The following ADHFE1 variants were observed in gnomAD, a reference collection of about 807,000 sequenced individuals.
ADHFE1 encodes the protein alcohol dehydrogenase iron containing 1.
In ADHFE1, 37 loss-of-function variants were observed where a neutral mutation model predicts 54.8. The observed-to-expected ratio is 0.68, with a 90% CI of 0.52 to 0.89. The LOEUF (loss-of-function observed/expected upper bound fraction) is 0.89, where lower values mean the gene tolerates loss of function less well. ADHFE1 is among the 40% of genes least tolerant of loss of function. The pLI is 0.00. For synonymous variants in ADHFE1, 203 were observed against 229.3 expected (o/e 0.89, Z 1.04); for missense variants, 601 against 591.2 (o/e 1.02, Z -0.17).
At chr8:66,465,180 G>A (rs1316841395) in intron 13 of ADHFE1, among the ~76,000 whole-genome samples, 1 of 152,094 alleles carries the variant, frequency 6.6e-6, no homozygotes. Context: ...GATGAATATT[G>A]GTGTACAAGT....
chr8:66,456,922 A>G (rs772946872), intron 11 of ADHFE1, 27 bp downstream of exon 11: 2 of 1,454,584 alleles, frequency 1.4e-6, no homozygotes, highest in Admixed American at 4.7e-5. Context: ...AAATTATTTA[A>G]TTAAATATTA....
At chr8:66,446,722 AAC>A (rs1806050342) in intron 6 of ADHFE1, among the ~76,000 whole-genome samples, 1 of 152,240 alleles carries the variant, frequency 6.6e-6, no homozygotes, top group Non-Finnish European at 1.5e-5. Context: ...ATGCATATTA[AAC>A]ACACATGCAT....
intron 8 of ADHFE1, 27 bp downstream of exon 8, chr8:66,448,997 CT>C: frequency 1.3e-6 from 2 of 1,583,866 alleles, no homozygotes; most frequent in Non-Finnish European, 1.7e-6. Flanking sequence ...CCTGGAGGGG[CT>C]TTTTTAGTAC....
chr8:66,439,541 G>C lies in ADHFE1; in HGVS notation c.60-621G>C. 6 of 985,734 alleles carry C rather than the reference G, an allele frequency of 6.1e-6. No homozygotes were observed. Among genetic ancestry groups the C allele is most frequent in the Non-Finnish European group, 7.2e-6 (6 of 830,178 alleles). 61.1% of individuals were successfully genotyped at this position (985,734 alleles called of 1,614,324 possible). A position where few individuals can be genotyped will look rare whatever the true frequency, so the allele number is the denominator to read the frequency against. ...CGGTGGCGACCTCGGAGCGCACCGG[G>C]TGTGCGCGCAGCTGGGGCCTCTGGG... is the stretch of plus-strand genomic sequence containing the variant. On this transcript the variant is annotated intron_variant, in intron 1 of 13. Coordinates refer to ENST00000396623, the MANE Select transcript of ADHFE1 (RefSeq NM_144650.3). The surrounding 1 kb of genome is among the most constrained non-coding windows in gnomAD (Gnocchi z 4.4).
chr8:66,464,463 C>T (rs1487004183), intron 13 of ADHFE1, among the ~76,000 whole-genome samples: 1 of 152,182 alleles, frequency 6.6e-6, no homozygotes, highest in Admixed American at 6.5e-5. Context: ...ACGTAACTTG[C>T]CATCATCTGC....
intron 13 of ADHFE1, among the ~76,000 whole-genome samples, chr8:66,464,763 AT>A (rs1295608206): frequency 2.0e-5 from 3 of 152,220 alleles, no homozygotes; most frequent in Non-Finnish European, 4.4e-5. Context: ...ATGCCATGCC[AT>A]TAAATACATG....
intron 12 of ADHFE1, among the ~76,000 whole-genome samples, chr8:66,458,301 G>A (rs1286507758): frequency 3.3e-5 from 5 of 152,144 alleles, no homozygotes; most frequent in Admixed American, 6.5e-5. Flanking sequence ...AGGAAGGACC[G>A]CAGACATCCT....
chr8:66,434,978 CAAA>C (rs534816704), intron 1 of ADHFE1, among the ~76,000 whole-genome samples: 1 of 140,260 alleles, frequency 7.1e-6, no homozygotes, highest in Admixed American at 7.1e-5. Context: ...GACTGTGTCT[CAAA>C]AAAAAAAAAA....
In ADHFE1 at chr8:66,451,441, G is replaced by A. The variant is rs192522403; in HGVS notation, c.735-512G>A. Among the ~76,000 whole-genome samples the A allele has an allele frequency of 2.0e-4, 31 of 152,190 alleles. No homozygotes were observed. The East Asian group carries it at 5.4e-3, about 27-fold the overall frequency. On this transcript the variant is annotated intron_variant, in intron 8 of 13. Coordinates refer to ENST00000396623, the MANE Select transcript of ADHFE1 (RefSeq NM_144650.3). ...CAGGGTAGTGCCTCACACCAGGTCC[G>A]CAGCAGGAATATCTTGTTCCAGGAT...
intron 10 of ADHFE1, among the ~76,000 whole-genome samples, chr8:66,454,905 A>G (rs1806496540): frequency 6.6e-6 from 1 of 151,834 alleles, no homozygotes; most frequent in Non-Finnish European, 1.5e-5. Flanking sequence ...TTAAGTAGAG[A>G]CGGGGTTTCA....
intron 12 of ADHFE1, chr8:66,459,388 G>A (rs1806762361): frequency 6.9e-6 from 1 of 145,124 alleles, no homozygotes; most frequent in Non-Finnish European, 1.5e-5. Context: ...CCATGATTAT[G>A]TGCATTATTT....
chr8:66,432,923 T>C, intron 1 of ADHFE1: 1 of 1,087,478 alleles, frequency 9.2e-7, no homozygotes, highest in South Asian at 4.5e-5. Flanking sequence ...ATTGGGCATA[T>C]ATTATGTGCC....
rs775603335 is a variant in ADHFE1, at chr8:66,460,452, G to C, written c.1307G>C (p.Gly436Ala). The change falls in exon 13 of 14, where the codon GGA (glycine) becomes GCA (alanine). Residue 436 changes from glycine (G) to alanine (A), a missense_variant. By Grantham distance (60) the Gly-to-Ala change is moderately conservative (BLOSUM62 0). Transcript: ENST00000396623. ...GCTGATATCCCCGCACTAGTGAAAG[G>C]AACGCTGCCCCAGGTAAGAGACCGG... Reference protein sequence around the residue: ...SKADIPALVKGTLPQERVTKL... With the variant: ...SKADIPALVKATLPQERVTKL... 4 of 1,586,088 alleles carry C rather than the reference G, an allele frequency of 2.5e-6. No individual in the cohort carries two copies. In the South Asian group the frequency reaches 4.5e-5, roughly 18 times the overall value.
Position 66,452,009 on chromosome 8 carries a change from C to T in ADHFE1, c.791C>T (p.Ser264Leu). Reference protein sequence around the residue: ...LPYHLRSPCPSNPITRPAYQG... With the variant: ...LPYHLRSPCPLNPITRPAYQG... ...TACCACCTGCGGAGCCCCTGCCCTT[C>T]AAATCCCATCACACGGCCTGCGTAC... The change falls in exon 9 of 14, where the codon TCA becomes TTA. Residue 264 changes from serine (S) to leucine (L), a missense_variant. By Grantham distance (145) the Ser-to-Leu change is moderately radical. Coordinates refer to ENST00000396623, the MANE Select transcript of ADHFE1 (RefSeq NM_144650.3). 6.2e-7 allele frequency: 1 copy of T among 1,614,236 alleles called. No homozygotes were observed. Among genetic ancestry groups the T allele is most frequent in the South Asian group, 1.1e-5 (1 of 91,090 alleles).
At chr8:66,442,176 C>G (rs1805784774) in intron 2 of ADHFE1, among the ~76,000 whole-genome samples, 1 of 151,970 alleles carries the variant, frequency 6.6e-6, no homozygotes. Context: ...TAATAGTAAC[C>G]CAACTCTAAA....
intron 10 of ADHFE1, among the ~76,000 whole-genome samples, chr8:66,454,574 T>A (rs904058256): frequency 4.6e-5 from 7 of 152,196 alleles, no homozygotes; most frequent in African/African-American, 1.7e-4. Context: ...TTCTAATATA[T>A]TCACAAAGTT....
chr8:66,442,189 AG>A (rs1279235830), intron 2 of ADHFE1, among the ~76,000 whole-genome samples: 1 of 152,114 alleles, frequency 6.6e-6, no homozygotes, highest in Non-Finnish European at 1.5e-5. Flanking sequence ...ACTCTAAACC[AG>A]GGGATTTTTT....
At position 66,456,842 on chromosome 8, in the gene ADHFE1, G is replaced by A; in HGVS notation, c.1012G>A (p.Gly338Ser). 2 of 1,608,422 alleles carry A rather than the reference G, an allele frequency of 1.2e-6. No individual in the cohort carries two copies. The highest frequency in any genetic ancestry group is 1.7e-6 in the Non-Finnish European group (2 of 1,177,538). ...CCATGGAATGTCTTACCCAATTTCA[G>A]GTTTAGTGAAGATGTATAAAGCAAA... ...LCHGMSYPIS[G>S]LVKMYKAKDY... is the part of the protein sequence containing the mutation. Residue 338 changes from glycine to serine, a missense_variant, in exon 11 of 14, where the codon GGT (glycine) becomes AGT (serine). By Grantham distance (56) the Gly-to-Ser change is moderately conservative. Coordinates refer to ENST00000396623, the MANE Select transcript of ADHFE1 (RefSeq NM_144650.3).
At chr8:66,448,593 C>T (rs759835402) in intron 7 of ADHFE1, among the ~76,000 whole-genome samples, 5 of 152,180 alleles carry the variant, frequency 3.3e-5, no homozygotes, top group Non-Finnish European at 7.3e-5. Flanking sequence ...TAAATACTCT[C>T]ACCATGGCCA....
Sources: gnomAD v4.1 joint callset for allele counts (sites outside exome capture counted in the v4.1 genomes callset) on GRCh38, gnomAD v4.1.1 for gene constraint, Gnocchi (gnomAD v3.1) non-coding constraint, MANE v1.5 for transcripts, NCBI Gene and HGNC (gene_info 2026-07-23, HGNC 2026-07-21) for gene names.